HINFP: variants seen among roughly 807,000 people sequenced by gnomAD.
The protein encoded by HINFP is MBD2 (methyl-CpG-binding protein)-interacting zinc finger protein.
In HINFP, 20 loss-of-function variants were observed where a neutral mutation model predicts 50.1. That is an observed-to-expected ratio of 0.40 (90% CI 0.28 to 0.58). HINFP has a LOEUF of 0.58. HINFP is among the 20% of genes least tolerant of loss of function. HINFP has a pLI of 0.45. For missense variants in HINFP, 505 were observed against 664.1 expected (o/e 0.76, Z 2.63); for synonymous variants, 247 against 243.7 (o/e 1.01, Z -0.13).
rs770580565 is a variant in HINFP at position 119,127,094 on chromosome 11, G to A, written c.150G>A (p.Glu50=). ...LQQHLHGSGE[E]EEEEEEDDPL... ...AGCACCTGCATGGCTCTGGGGAGGA[G>A]GAGGAAGAGGAAGAGGAGGATGACC... The change falls in exon 2 of 10, where the codon GAG becomes GAA. Residue 50 remains glutamate (E), a synonymous_variant. Coordinates refer to ENST00000350777, the MANE Select transcript of HINFP (RefSeq NM_198971.3). 5.0e-6 allele frequency: 8 copies of A among 1,613,056 alleles called. No individual in the cohort carries two copies. The highest frequency in any genetic ancestry group is 1.7e-4 in the Middle Eastern group (1 of 6,058).
rs1947693349 is a variant in HINFP, at chr11:119,130,536, A to C, written c.182-189A>C. On this transcript the variant is annotated intron_variant, in intron 2 of 9. Transcript: ENST00000350777. The stretch of plus-strand genomic sequence containing the variant: ...GAGTGGGACACTTTTTACTTGTTAT[A>C]GTCCCTCTAACTGGCACACAATTTA... 23 of 587,998 alleles carry C rather than the reference A, an allele frequency of 3.9e-5. No individual in the cohort carries two copies. In the South Asian group the frequency reaches 4.5e-4, roughly 11 times the overall value. 36.4% of individuals were successfully genotyped at this position (587,998 alleles called of 1,614,324 possible). A position where few individuals can be genotyped will look rare whatever the true frequency, so the allele number is the denominator to read the frequency against.
intron 5 of HINFP, 137 bp from the exon 6 acceptor site, chr11:119,132,359 C>G: frequency 1.3e-6 from 1 of 762,628 alleles, no homozygotes; most frequent in Non-Finnish European, 2.2e-6. Flanking sequence ...TTCCATGATA[C>G]TGTGTCCATT....
At position 119,131,927 on chromosome 11, in the gene HINFP, G is replaced by GT; in HGVS notation, c.624dup (p.Ala209CysfsTer48). Reference sequence around the variant, plus strand: ...TAGCCTGCCCCACCTGTGGGGGCATGTTTGCCAACAATACCAAGTTCTTAG... The same window carrying GT: ...TAGCCTGCCCCACCTGTGGGGGCATGTTTTGCCAACAATACCAAGTTCTTAG... On this transcript the variant is annotated frameshift_variant, in exon 5 of 10. Transcript: ENST00000350777. LOFTEE classifies it high-confidence loss of function. The surrounding 1 kb of genome is among the most constrained non-coding windows in gnomAD (Gnocchi z 4.2). 1 of 1,614,076 alleles carries GT rather than the reference G, an allele frequency of 6.2e-7. No homozygotes were observed. The highest frequency in any genetic ancestry group is 1.7e-5 in the Admixed American group (1 of 60,016).
Position 119,134,282 on chromosome 11 carries a change from G to A in HINFP, c.1338G>A (p.Lys446=), listed in dbSNP as rs1227313411. The change falls in exon 10 of 10, where the codon AAG becomes AAA. Residue 446 remains lysine, a synonymous_variant. Coordinates refer to ENST00000350777, the MANE Select transcript of HINFP (RefSeq NM_198971.3). The surrounding 1 kb of genome is among the most constrained non-coding windows in gnomAD (Gnocchi z 4.3). The stretch of plus-strand genomic sequence containing the variant: ...GTAAGGAAGAGGAAGAGGAGGGCAA[G>A]GGTAGCGAAGGGACAGCCCTCTCAG... ...PGRKEEEEEG[K]GSEGTALSAS... 6.2e-7 allele frequency: 1 copy of A among 1,614,084 alleles called. No individual in the cohort carries two copies. The highest frequency in any genetic ancestry group is 8.5e-7 in the Non-Finnish European group (1 of 1,179,930).
At chr11:119,127,153 G>A in intron 2 of HINFP, 28 bp downstream of exon 2, 2 of 1,543,996 alleles carry the variant, frequency 1.3e-6, no homozygotes, top group Non-Finnish European at 1.7e-6. Flanking sequence ...AGGAAGGGGA[G>A]GAGCTCAAGG....
chr11:119,122,158 TAA>T (rs923365074), intron 1 of HINFP: 7 of 152,190 alleles, frequency 4.6e-5, no homozygotes, highest in African/African-American at 1.7e-4. Flanking sequence ...TCTTAAGTGT[TAA>T]GAGGGTAGAG....
In HINFP at chr11:119,129,075, C is replaced by T. The variant is rs140387235; in HGVS notation, c.182-1650C>T. 2.1e-3 allele frequency among the ~76,000 whole-genome samples: 325 copies of T among 152,014 alleles called. 1 individual carries two copies. Among genetic ancestry groups the T allele is most frequent in the East Asian group, 0.012 (64 of 5,186 alleles). ...TTTCAGAGTAAGATGGAGTCTTACTCTGTTGCTCAGGCTAGAGTGCAATGG... is the reference window on the plus strand; with the variant it reads ...TTTCAGAGTAAGATGGAGTCTTACTTTGTTGCTCAGGCTAGAGTGCAATGG... On this transcript the variant is annotated intron_variant, in intron 2 of 9. Coordinates refer to ENST00000350777, the MANE Select transcript of HINFP (RefSeq NM_198971.3).
chr11:119,130,617 A>T, intron 2 of HINFP, 108 bp from the exon 3 acceptor site: 1 of 916,794 alleles, frequency 1.1e-6, no homozygotes, highest in Non-Finnish European at 1.7e-6. Flanking sequence ...GTTAGAGTCC[A>T]GCCTCCTCAC....
Position 119,131,362 on chromosome 11 carries a change from T to G in HINFP, c.412-173T>G. On this transcript the variant is annotated intron_variant, in intron 3 of 9. Transcript: ENST00000350777. This position sits in a 1 kb window ranked among gnomAD's most constrained non-coding sequence, Gnocchi z 4.2. ...CCTCAGCCTCTCAAAGTGCTGGGAT[T>G]ACAGGGTTTAGCAACCGCACCCGGC... 1.6e-6 allele frequency: 1 copy of G among 626,918 alleles called. No individual in the cohort carries two copies. Among genetic ancestry groups the G allele is most frequent in the Non-Finnish European group, 2.9e-6 (1 of 344,416 alleles). 38.8% of individuals were successfully genotyped at this position (626,918 alleles called of 1,614,324 possible).
At chr11:119,129,109 C>T (rs1189131539) in intron 2 of HINFP, among the ~76,000 whole-genome samples, 3 of 152,050 alleles carry the variant, frequency 2.0e-5, no homozygotes, top group African/African-American at 4.8e-5. Context: ...GGCATGATCT[C>T]GGCTAATTGC....
chr11:119,128,855 T>C (rs747088941), intron 2 of HINFP, among the ~76,000 whole-genome samples: 42 of 151,538 alleles, frequency 2.8e-4, no homozygotes, highest in Non-Finnish European at 5.7e-4. Context: ...CATGCCACTA[T>C]GCCCAGCTAA....
In HINFP at chr11:119,131,631, C is replaced by T. The variant is rs749190641; in HGVS notation, c.508C>T (p.Leu170=). The T allele has an allele frequency of 6.2e-7, 1 of 1,613,706 alleles. No homozygotes were observed. The highest frequency in any genetic ancestry group is 8.5e-7 in the Non-Finnish European group (1 of 1,179,636). ...EAVGKDNPVV[L]CGWKGCTCTF... ...AGTCGGCAAGGACAACCCGGTGGTG[C>T]TGTGTGGCTGGAAAGGTAGGGCTGC... is the stretch of plus-strand genomic sequence containing the variant. Residue 170 remains leucine, a synonymous_variant, in exon 4 of 10, where the codon CTG becomes TTG. Coordinates refer to ENST00000350777, the MANE Select transcript of HINFP (RefSeq NM_198971.3). The surrounding 1 kb of genome is among the most constrained non-coding windows in gnomAD (Gnocchi z 4.2).
intron 2 of HINFP, among the ~76,000 whole-genome samples, chr11:119,129,277 G>C (rs1592275323): frequency 6.6e-6 from 1 of 152,012 alleles, no homozygotes; most frequent in South Asian, 2.1e-4. Flanking sequence ...CTGACCTTGT[G>C]ATCTGCCTGC....
chr11:119,131,181 T>C lies in HINFP; in HGVS notation c.411+227T>C, dbSNP rs775563892. On this transcript the variant is annotated intron_variant, in intron 3 of 9. Coordinates refer to ENST00000350777, the MANE Select transcript of HINFP (RefSeq NM_198971.3). This position sits in a 1 kb window ranked among gnomAD's most constrained non-coding sequence, Gnocchi z 4.2. Reference sequence around the variant, plus strand: ...ATAGCTCACTGTAACCTTGAACTCCTGGGCTCAAGCAATCCTCCCACCTCA... The same window carrying C: ...ATAGCTCACTGTAACCTTGAACTCCCGGGCTCAAGCAATCCTCCCACCTCA... 7.5e-6 allele frequency: 5 copies of C among 668,494 alleles called. No homozygotes were observed. The highest frequency in any genetic ancestry group is 1.4e-5 in the Non-Finnish European group (5 of 365,322). The allele number at this position is 668,494 out of a possible 1,614,324, so 41.4% of individuals were successfully genotyped here.
At chr11:119,128,496 G>T (rs375278300) in intron 2 of HINFP, among the ~76,000 whole-genome samples, 1 of 150,836 alleles carries the variant, frequency 6.6e-6, no homozygotes, top group East Asian at 2.0e-4. Flanking sequence ...TTTTAGTAGA[G>T]ACAGGCTTTC....
rs1411774093 is a variant in HINFP, at chr11:119,128,686, C to CTAT, written c.181+1575_181+1577dup. On this transcript the variant is annotated intron_variant, in intron 2 of 9. Transcript: ENST00000350777. ...TCCCAAAGAGCCTATGAGATAGGCA[C>CTAT]TATTATTATTATTATTTATTATTAT... Among the ~76,000 whole-genome samples the CTAT allele has an allele frequency of 6.6e-5, 10 of 151,676 alleles. No homozygotes were observed. In the East Asian group the frequency reaches 1.2e-3, roughly 18 times the overall value.
chr11:119,126,710 G>A (rs1947427848), intron 1 of HINFP: 2 of 458,232 alleles, frequency 4.4e-6, no homozygotes, highest in East Asian at 7.5e-5. Flanking sequence ...CTCAGTGCCT[G>A]GCACACACTC....
At chr11:119,123,961 A>C (rs1363392837) in intron 1 of HINFP, 1 of 152,114 alleles carries the variant, frequency 6.6e-6, no homozygotes, top group Non-Finnish European at 1.5e-5. Flanking sequence ...CTGGGATTAC[A>C]GGCATAAGCC....
At chr11:119,133,041 T>G in intron 8 of HINFP, 39 bp downstream of exon 8, 5 of 1,614,184 alleles carry the variant, frequency 3.1e-6, no homozygotes, top group Non-Finnish European at 4.2e-6. Context: ...AGTGGAAGTA[T>G]GGGGGACCCT....
Sources: allele counts gnomAD v4.1 joint callset (sites outside exome capture counted in the v4.1 genomes callset), GRCh38; gene constraint gnomAD v4.1.1; non-coding constraint Gnocchi (gnomAD v3.1); transcripts MANE v1.5; gene names NCBI Gene and HGNC (gene_info 2026-07-23, HGNC 2026-07-21).